CTNND2: variants seen among roughly 807,000 people sequenced by gnomAD.
The protein encoded by CTNND2 is catenin delta-2.
A neutral mutation model predicts 144.4 loss-of-function variants in CTNND2; 22 were observed. The observed-to-expected ratio is 0.15, with a 90% CI of 0.11 to 0.22. The LOEUF (loss-of-function observed/expected upper bound fraction) is 0.22, where lower values mean the gene tolerates loss of function less well. Among genes scored for constraint, CTNND2 ranks in the 10% least tolerant of loss-of-function variants. The pLI, the probability that CTNND2 is intolerant of heterozygous loss-of-function variation, is 1.00. For synonymous variants in CTNND2, 751 were observed against 695.6 expected, an observed-to-expected ratio of 1.08 and a Z score of -1.25; for missense variants, 1,353 against 1,618.8, an observed-to-expected ratio of 0.84 and a Z score of 2.82.
At chr5:11,593,529 G>A (rs1003884173) in intron 2 of CTNND2, among the ~76,000 whole-genome samples, 3 of 152,168 alleles carry the variant, frequency 2.0e-5, no homozygotes, top group African/African-American at 7.2e-5. Flanking sequence ...CAGGTGTCAT[G>A]GGAGGGACCT....
chr5:10,984,602 C>T (rs2062688), intron 20 of CTNND2, among the ~76,000 whole-genome samples: 64,692 of 151,974 alleles, frequency 0.43, 14,263 homozygotes, highest in African/African-American at 0.53. Context: ...TAAACGAGAC[C>T]ATAGCTGAGA....
At chr5:11,115,778 C>T (rs1429844899) in intron 13 of CTNND2, among the ~76,000 whole-genome samples, 1 of 152,188 alleles carries the variant, frequency 6.6e-6, no homozygotes, top group Non-Finnish European at 1.5e-5. Context: ...TGAACTAGTA[C>T]TCAAAGGGCT....
chr5:11,686,736 T>C (rs1001582931), intron 2 of CTNND2, among the ~76,000 whole-genome samples: 1 of 149,448 alleles, frequency 6.7e-6, no homozygotes, highest in Non-Finnish European at 1.5e-5. Context: ...TTTAACATCA[T>C]GTTAAATATA....
intron 3 of CTNND2, among the ~76,000 whole-genome samples, chr5:11,511,616 A>G (rs1322997589): frequency 6.6e-6 from 1 of 152,130 alleles, no homozygotes; most frequent in African/African-American, 2.4e-5. Context: ...ATCCCAAATA[A>G]TTATTATTTT....
chr5:11,746,852 G>T (rs188004017), intron 1 of CTNND2, among the ~76,000 whole-genome samples: 1 of 152,110 alleles, frequency 6.6e-6, no homozygotes, highest in African/African-American at 2.4e-5. Flanking sequence ...AATTTTACAC[G>T]TACAACACTG....
intron 9 of CTNND2, among the ~76,000 whole-genome samples, chr5:11,266,879 A>C (rs1318660114): frequency 6.6e-6 from 1 of 152,050 alleles, no homozygotes; most frequent in African/African-American, 2.4e-5. Context: ...AGACGACCTA[A>C]AGCTGACTTT....
At chr5:11,888,492 T>C (rs530448712) in intron 1 of CTNND2, among the ~76,000 whole-genome samples, 1 of 152,266 alleles carries the variant, frequency 6.6e-6, no homozygotes, top group South Asian at 2.1e-4. Context: ...CCCTTAGTAT[T>C]TGAAAACACA....
chr5:11,124,789 A>G (rs1352495031), intron 12 of CTNND2, among the ~76,000 whole-genome samples: 1 of 152,154 alleles, frequency 6.6e-6, no homozygotes, highest in Non-Finnish European at 1.5e-5. Flanking sequence ...CAAGTTTTGT[A>G]TATTTTTATA....
chr5:11,597,752 T>C (rs1779586975), intron 2 of CTNND2, among the ~76,000 whole-genome samples: 3 of 152,122 alleles, frequency 2.0e-5, no homozygotes, highest in African/African-American at 7.2e-5. Context: ...TTTTGTATTA[T>C]TTGTAGAAAA....
intron 7 of CTNND2, among the ~76,000 whole-genome samples, chr5:11,379,352 A>G (rs1758256877): frequency 6.6e-6 from 1 of 152,204 alleles, no homozygotes; most frequent in Non-Finnish European, 1.5e-5. Flanking sequence ...CATCACGTAC[A>G]TTTAAGACTA....
chr5:11,722,776 G>C (rs972325117), intron 2 of CTNND2, among the ~76,000 whole-genome samples: 10 of 152,156 alleles, frequency 6.6e-5, no homozygotes, highest in Non-Finnish European at 1.2e-4. Flanking sequence ...CCTCCTACCA[G>C]GTCCCTCCCA....
intron 10 of CTNND2, among the ~76,000 whole-genome samples, chr5:11,200,833 C>T (rs1418104229): frequency 2.0e-5 from 3 of 152,224 alleles, no homozygotes; most frequent in African/African-American, 4.8e-5. Context: ...CGTCCGCCAC[C>T]ACGCCCGGCT....
chr5:11,249,502 T>C (rs1401989852), intron 9 of CTNND2, among the ~76,000 whole-genome samples: 4 of 152,112 alleles, frequency 2.6e-5, no homozygotes, highest in African/African-American at 9.7e-5. Flanking sequence ...AATAATCTTA[T>C]CTAGAAGGAG....
At chr5:11,837,856 C>A (rs1316756368) in intron 1 of CTNND2, among the ~76,000 whole-genome samples, 3 of 152,084 alleles carry the variant, frequency 2.0e-5, no homozygotes, top group Non-Finnish European at 4.4e-5. Context: ...GTTATTGAAA[C>A]TCTAGGTCAT....
intron 16 of CTNND2, among the ~76,000 whole-genome samples, chr5:11,048,139 T>C (rs987857148): frequency 2.0e-5 from 3 of 152,078 alleles, no homozygotes; most frequent in African/African-American, 7.2e-5. Flanking sequence ...TCACCTGAGC[T>C]CCCAGAACCT....
chr5:11,583,537 T>C (rs1385357106), intron 2 of CTNND2, among the ~76,000 whole-genome samples: 3 of 152,258 alleles, frequency 2.0e-5, no homozygotes. Context: ...TGTAATGGAA[T>C]AATTACTTAG....
intron 2 of CTNND2, among the ~76,000 whole-genome samples, chr5:11,693,403 T>C (rs1784998074): frequency 6.6e-6 from 1 of 152,270 alleles, no homozygotes; most frequent in Non-Finnish European, 1.5e-5. Context: ...TTTTGGAAGA[T>C]ACTGCATTTC....
chr5:11,065,518 G>GA (rs1301598632), intron 16 of CTNND2, among the ~76,000 whole-genome samples: 1 of 151,898 alleles, frequency 6.6e-6, no homozygotes, highest in East Asian at 1.9e-4. Flanking sequence ...AGATGCTTTA[G>GA]AAAAAAAATA....
At chr5:11,578,389 G>A (rs188251329) in intron 2 of CTNND2, among the ~76,000 whole-genome samples, 18 of 152,138 alleles carry the variant, frequency 1.2e-4, no homozygotes, top group Admixed American at 7.2e-4. Context: ...TGGGCCAGGC[G>A]CAGTGGCTCA....
Sources: allele counts gnomAD v4.1 joint callset (sites outside exome capture counted in the v4.1 genomes callset), GRCh38; gene constraint gnomAD v4.1.1; transcripts MANE v1.5; gene names NCBI Gene and HGNC (gene_info 2026-07-23, HGNC 2026-07-21).